The following RMDN2 variants were observed in gnomAD, a reference collection of about 807,000 sequenced individuals.
RMDN2 encodes regulator of microtubule dynamics 2.
Under a neutral mutation model 52.8 loss-of-function variants are expected in RMDN2, and 61 were observed. The ratio of observed to expected loss-of-function variants is 1.16; its 90% CI spans 0.94 to 1.43. The LOEUF is 1.43. RMDN2 is among the 40% of genes most tolerant of loss of function. The probability of loss-of-function intolerance (pLI) is 0.00; values close to 1 mark genes in which losing one functional copy is unlikely to be tolerated. For synonymous variants in RMDN2, 180 were observed against 153.1 expected (o/e 1.18, Z -1.30); for missense variants, 592 against 475.3 (o/e 1.25, Z -2.28).
chr2:37,954,727 A>G (rs1047248793), intron 2 of RMDN2, among the ~76,000 whole-genome samples: 3 of 152,106 alleles, frequency 2.0e-5, no homozygotes, highest in Admixed American at 6.6e-5. Flanking sequence ...AGATTTTTCT[A>G]TTTGTACAAA....
intron 2 of RMDN2, among the ~76,000 whole-genome samples, chr2:37,948,204 G>A (rs1668384984): frequency 6.6e-6 from 1 of 152,188 alleles, no homozygotes; most frequent in Non-Finnish European, 1.5e-5. Flanking sequence ...ATGTCTGGGA[G>A]CAGTGCTCAG....
intron 2 of RMDN2, among the ~76,000 whole-genome samples, chr2:37,934,470 G>T: frequency 6.6e-6 from 1 of 152,140 alleles, no homozygotes; most frequent in Non-Finnish European, 1.5e-5. Context: ...GTCCTTTTTA[G>T]CACTAGTGTT....
chr2:37,932,870 C>CG (rs959380508), intron 2 of RMDN2, among the ~76,000 whole-genome samples: 4 of 144,190 alleles, frequency 2.8e-5, no homozygotes, highest in African/African-American at 5.1e-5. Flanking sequence ...GGAGGCTGAC[C>CG]CCCCCACCTC....
At chr2:38,058,194 C>A (rs1681914357) in intron 10 of RMDN2, among the ~76,000 whole-genome samples, 1 of 152,236 alleles carries the variant, frequency 6.6e-6, no homozygotes, top group African/African-American at 2.4e-5. Context: ...ATGTTGACTT[C>A]TCTGCCTTTG....
At chr2:37,923,332 C>T (rs62134012), upstream of RMDN2, 3,152 of 152,280 alleles carry the variant, frequency 0.021, 49 homozygotes, top group Non-Finnish European at 0.032. Context: ...AAGATCAAGT[C>T]AGTATCAGCT....
At position 38,004,048 on chromosome 2, in the gene RMDN2, A is replaced by G. The variant is rs766819361; in HGVS notation, c.1098+4A>G. 40 of 1,612,002 alleles carry G rather than the reference A, an allele frequency of 2.5e-5. No individual in the cohort carries two copies. The highest frequency in any genetic ancestry group is 5.3e-5 in the African/African-American group (4 of 74,872). On this transcript the variant is annotated splice_donor_region_variant and intron_variant, in intron 9 of 10. Transcript: ENST00000354545. Reference sequence around the variant, plus strand: ...CAATTACATGTACTTAGCAAAGGTAATGAAGACCACTGTTCTGCTTTAAGA... The same window carrying G: ...CAATTACATGTACTTAGCAAAGGTAGTGAAGACCACTGTTCTGCTTTAAGA...
At chr2:37,962,832 A>G (rs1368300793) in intron 2 of RMDN2, among the ~76,000 whole-genome samples, 1 of 152,092 alleles carries the variant, frequency 6.6e-6, no homozygotes, top group Non-Finnish European at 1.5e-5. Flanking sequence ...CTTTTGGTGT[A>G]GGCACCCGAG....
downstream of RMDN2, among the ~76,000 whole-genome samples, chr2:38,019,723 C>T (rs533913490): frequency 2.6e-5 from 4 of 152,094 alleles, no homozygotes; most frequent in Middle Eastern, 3.4e-3. Flanking sequence ...TCATTGAGCT[C>T]AGGAGTTCAA....
chr2:37,989,884 C>T (rs1020520843), intron 6 of RMDN2, among the ~76,000 whole-genome samples: 17 of 152,138 alleles, frequency 1.1e-4, no homozygotes, highest in African/African-American at 4.1e-4. Flanking sequence ...AGGCTCACGC[C>T]TGTAATCCCA....
At chr2:37,981,533 A>T (rs1224811080) in intron 5 of RMDN2, among the ~76,000 whole-genome samples, 190 bp downstream of exon 5, 5 of 152,216 alleles carry the variant, frequency 3.3e-5, no homozygotes, top group Non-Finnish European at 7.3e-5. Flanking sequence ...CTTGAAATAT[A>T]TTTAAGGGAA....
At chr2:38,029,846 T>C (rs376473082) in intron 10 of RMDN2, 4 of 152,180 alleles carry the variant, frequency 2.6e-5, no homozygotes, top group African/African-American at 7.2e-5. Context: ...AGAAGTTTAA[T>C]GGACTCACAG....
At chr2:38,062,772 C>A (rs1193319691) in intron 10 of RMDN2, among the ~76,000 whole-genome samples, 1 of 118,172 alleles carries the variant, frequency 8.5e-6, no homozygotes, top group East Asian at 2.1e-4. Context: ...CCCCCCTTCC[C>A]CCCCCCCACA....
intron 5 of RMDN2, among the ~76,000 whole-genome samples, chr2:37,984,567 C>T (rs183282064): frequency 7.2e-4 from 109 of 152,238 alleles, no homozygotes; most frequent in African/African-American, 2.6e-3. Context: ...TCTTATATGC[C>T]TAGTCATTTT....
rs141550450 is a variant in RMDN2, at chr2:37,955,805, G to A, written c.453-18235G>A. Among the ~76,000 whole-genome samples the A allele has an allele frequency of 2.6e-3, 403 of 152,156 alleles. 2 individuals carry two copies. Among genetic ancestry groups the A allele is most frequent in the Middle Eastern group, 0.01 (3 of 294 alleles). ...ACCTCTTTTTTCTTCCCAGTCTCGG[G>A]TATGTCTTTGTCAGCAGCATAAAAA... On this transcript the variant is annotated intron_variant, in intron 2 of 10. Transcript: ENST00000354545.
intron 10 of RMDN2, among the ~76,000 whole-genome samples, chr2:38,007,961 G>A (rs959517023): frequency 6.6e-6 from 1 of 152,010 alleles, no homozygotes; most frequent in Non-Finnish European, 1.5e-5. Flanking sequence ...ATTTCTTTAT[G>A]TACCCAGTAG....
intron 10 of RMDN2, among the ~76,000 whole-genome samples, chr2:38,053,396 A>G (rs1019798755): frequency 2.0e-5 from 3 of 152,220 alleles, no homozygotes; most frequent in South Asian, 2.1e-4. Context: ...ACACACACAC[A>G]TTATCTACCA....
intron 8 of RMDN2, among the ~76,000 whole-genome samples, chr2:37,999,410 C>T (rs1235814111): frequency 1.3e-5 from 2 of 152,110 alleles, no homozygotes; most frequent in East Asian, 1.9e-4. Flanking sequence ...CAAAAACTCA[C>T]GGAATTTTAA....
chr2:38,048,079 GATCTATC>G lies in RMDN2; in HGVS notation c.1714-18900_1714-18894del, dbSNP rs545659550. ...TCCTTTCATTGAAATCAAAGTTTCA[GATCTATC>G]ATTCTAAACTTCATTTCTCCTTCTT... is the stretch of plus-strand genomic sequence containing the variant. On this transcript the variant is annotated intron_variant, in intron 10 of 10. Coordinates refer to the RMDN2 transcript ENST00000234195. Among the ~76,000 whole-genome samples, 8 of 152,290 alleles carry G rather than the reference GATCTATC, an allele frequency of 5.3e-5. No individual in the cohort carries two copies. In the South Asian group the frequency reaches 1.7e-3, roughly 32 times the overall value.
intron 2 of RMDN2, chr2:37,949,882 A>T (rs1668571263): frequency 6.5e-6 from 1 of 155,024 alleles, no homozygotes; most frequent in Non-Finnish European, 1.4e-5. Flanking sequence ...TAACTCTATT[A>T]ACCTTGCATT....
Sources: allele counts gnomAD v4.1 joint callset (sites outside exome capture counted in the v4.1 genomes callset), GRCh38; gene constraint gnomAD v4.1.1; transcripts MANE v1.5; gene names NCBI Gene and HGNC (gene_info 2026-07-23, HGNC 2026-07-21).